The following PTPRG variants were observed in gnomAD, a reference collection of about 807,000 sequenced individuals.
PTPRG encodes protein tyrosine phosphatase receptor type G.
In PTPRG, 102 loss-of-function variants were observed where a neutral mutation model predicts 165.3. That is an observed-to-expected ratio of 0.62 (90% CI 0.53 to 0.73). The LOEUF (loss-of-function observed/expected upper bound fraction) is 0.73. Ranked by LOEUF, PTPRG falls within the 30% of genes least tolerant of loss-of-function variation. PTPRG has a pLI of 0.00. For missense variants in PTPRG, 1,866 were observed against 1,861.4 expected (o/e 1.00, Z -0.05); for synonymous variants, 675 against 669.5 (o/e 1.01, Z -0.13).
At chr3:61,682,787 C>G (rs1048061289) in intron 1 of PTPRG, among the ~76,000 whole-genome samples, 9 of 152,126 alleles carry the variant, frequency 5.9e-5, no homozygotes, top group African/African-American at 2.2e-4. Flanking sequence ...TGTGATGTCA[C>G]AAATGGAGGA....
chr3:62,115,723 G>A (rs1458673286), intron 5 of PTPRG, among the ~76,000 whole-genome samples: 3 of 151,292 alleles, frequency 2.0e-5, no homozygotes, highest in Non-Finnish European at 2.9e-5. Context: ...TTTTTGCAGA[G>A]ACAAGGGTTT....
chr3:61,614,311 G>A (rs1701250887), intron 1 of PTPRG, among the ~76,000 whole-genome samples: 1 of 151,834 alleles, frequency 6.6e-6, no homozygotes, highest in Non-Finnish European at 1.5e-5. Flanking sequence ...AATCCTGGCT[G>A]TGCTACTAAC....
intron 2 of PTPRG, among the ~76,000 whole-genome samples, chr3:61,983,845 T>G (rs2040695633): frequency 2.0e-5 from 3 of 152,198 alleles, no homozygotes. Context: ...TTTCAAGTAG[T>G]ATTGCTGGGG....
chr3:62,032,162 G>A (rs979756431), intron 4 of PTPRG, among the ~76,000 whole-genome samples: 3 of 152,184 alleles, frequency 2.0e-5, no homozygotes, highest in African/African-American at 7.2e-5. Flanking sequence ...GGCCTGCAGA[G>A]AACACAGAGT....
chr3:61,639,664 G>A (rs780765108), intron 1 of PTPRG, among the ~76,000 whole-genome samples: 4 of 151,976 alleles, frequency 2.6e-5, no homozygotes, highest in Middle Eastern at 6.8e-3. Context: ...ATTCTTTTTT[G>A]TGGCTATTGT....
chr3:61,824,437 C>T (rs1372831490), intron 2 of PTPRG, among the ~76,000 whole-genome samples: 1 of 152,224 alleles, frequency 6.6e-6, no homozygotes, highest in Non-Finnish European at 1.5e-5. Flanking sequence ...GAAAAACAAA[C>T]TTTACATCTA....
intron 4 of PTPRG, among the ~76,000 whole-genome samples, chr3:62,030,260 A>G (rs1202762418): frequency 2.6e-5 from 4 of 151,208 alleles, no homozygotes; most frequent in Non-Finnish European, 5.9e-5. Context: ...ATGTTGACAC[A>G]TTACTCCCCC....
intron 8 of PTPRG, among the ~76,000 whole-genome samples, chr3:62,186,722 C>T (rs964953283): frequency 1.3e-5 from 2 of 152,004 alleles, no homozygotes; most frequent in Non-Finnish European, 2.9e-5. Context: ...TGCGCCACCA[C>T]ACCTGGCTAA....
chr3:61,585,672 A>C (rs1451816232), intron 1 of PTPRG, among the ~76,000 whole-genome samples: 2 of 151,996 alleles, frequency 1.3e-5, no homozygotes, highest in African/African-American at 2.4e-5. Context: ...GCTTCAGCCC[A>C]GGAGGCAAAG....
intron 15 of PTPRG, among the ~76,000 whole-genome samples, chr3:62,249,372 C>T (rs1247400696): frequency 6.6e-6 from 1 of 152,108 alleles, no homozygotes; most frequent in Admixed American, 6.6e-5. Flanking sequence ...TTAACAGTAC[C>T]TGCTAACAGG....
Position 62,254,202 on chromosome 3 carries a change from G to A in PTPRG, c.2468-922G>A, listed in dbSNP as rs1358951459. On this transcript the variant is annotated intron_variant, in intron 15 of 29. Coordinates refer to ENST00000474889, the MANE Select transcript of PTPRG (RefSeq NM_002841.4). The surrounding 1 kb of genome is among the most constrained non-coding windows in gnomAD (Gnocchi z 4.6). Reference sequence around the variant, plus strand: ...TCTGTGGCAGTTTAGATGTTTGTGCGTTTGCCAAAGATCTTTCACTCTGAA... The same window carrying A: ...TCTGTGGCAGTTTAGATGTTTGTGCATTTGCCAAAGATCTTTCACTCTGAA... 6.6e-6 allele frequency among the ~76,000 whole-genome samples: 1 copy of A among 152,148 alleles called. No individual in the cohort carries two copies. Among genetic ancestry groups the A allele is most frequent in the Non-Finnish European group, 1.5e-5 (1 of 68,024 alleles).
In PTPRG at chr3:62,079,227, T is replaced by C. The variant is rs137971974; in HGVS notation, c.615+969T>C. Among the ~76,000 whole-genome samples, 856 of 152,318 alleles carry C rather than the reference T, an allele frequency of 5.6e-3. 7 individuals carry two copies. Among genetic ancestry groups the C allele is most frequent in the African/African-American group, 0.02 (823 of 41,566 alleles). ...ATGGGTGACACATGAGTGACAGTTT[T>C]CTCCCTTTTAACTACATTTCTCCCT... On this transcript the variant is annotated intron_variant, in intron 5 of 29. Coordinates refer to ENST00000474889, the MANE Select transcript of PTPRG (RefSeq NM_002841.4).
chr3:61,618,792 A>G (rs1189516149), intron 1 of PTPRG, among the ~76,000 whole-genome samples: 1 of 152,060 alleles, frequency 6.6e-6, no homozygotes, highest in African/African-American at 2.4e-5. Flanking sequence ...AAAAAATGAC[A>G]GTATTCATTG....
chr3:61,848,539 A>G (rs2036870364), intron 2 of PTPRG, among the ~76,000 whole-genome samples: 1 of 152,224 alleles, frequency 6.6e-6, no homozygotes, highest in Non-Finnish European at 1.5e-5. Flanking sequence ...GAGTATCTTA[A>G]TATATCTTAT....
rs912826793 is a variant in PTPRG at position 62,228,326 on chromosome 3, G to A, written c.2289-2899G>A. Among the ~76,000 whole-genome samples, 2 of 152,058 alleles carry A rather than the reference G, an allele frequency of 1.3e-5. No individual in the cohort carries two copies. The highest frequency in any genetic ancestry group is 4.8e-5 in the African/African-American group (2 of 41,404). ...TCACGAGGTCAGGAGTTCAAGAACA[G>A]CCTGGCCAAAATGGTGAAACCCCGT... On this transcript the variant is annotated intron_variant, in intron 13 of 29. Transcript: ENST00000474889. The surrounding 1 kb of genome is among the most constrained non-coding windows in gnomAD (Gnocchi z 4.1).
intron 21 of PTPRG, among the ~76,000 whole-genome samples, 155 bp from the exon 22 acceptor site, chr3:62,272,791 T>G (rs1702108684): frequency 6.6e-6 from 1 of 151,974 alleles, no homozygotes; most frequent in South Asian, 2.1e-4. Context: ...GAACCGAGAT[T>G]GCGCCACTGC....
chr3:61,853,186 G>A (rs2037012885), intron 2 of PTPRG, among the ~76,000 whole-genome samples: 1 of 152,174 alleles, frequency 6.6e-6, no homozygotes, highest in South Asian at 2.1e-4. Flanking sequence ...AAGCAGGGAA[G>A]GGGGGTTTGA....
chr3:62,095,588 G>A (rs349154), intron 5 of PTPRG, among the ~76,000 whole-genome samples: 49,439 of 152,074 alleles, frequency 0.33, 10,059 homozygotes, highest in African/African-American at 0.58. Context: ...CCTGATTAGA[G>A]AATACCTGTG....
chr3:61,809,241 A>G (rs564232853), intron 2 of PTPRG, among the ~76,000 whole-genome samples: 29 of 151,798 alleles, frequency 1.9e-4, no homozygotes, highest in South Asian at 1.7e-3. Flanking sequence ...TGCATCCTCA[A>G]ATTTGGAGTA....
Sources: gnomAD v4.1 joint callset for allele counts (sites outside exome capture counted in the v4.1 genomes callset) on GRCh38, gnomAD v4.1.1 for gene constraint, Gnocchi (gnomAD v3.1) non-coding constraint, MANE v1.5 for transcripts, NCBI Gene and HGNC (gene_info 2026-07-23, HGNC 2026-07-21) for gene names.